The following MLLT10 variants were observed in gnomAD, a reference collection of about 807,000 sequenced individuals.
MLLT10 encodes MLLT10 histone lysine methyltransferase DOT1L cofactor, also known as protein AF-10.
A neutral mutation model predicts 129.1 loss-of-function variants in MLLT10; 30 were observed. That is an observed-to-expected ratio of 0.23 (90% CI 0.17 to 0.32). MLLT10 has a LOEUF of 0.32. MLLT10 is among the 10% of genes least tolerant of loss of function. The pLI is 1.00. For missense variants in MLLT10, 1,119 were observed against 1,268.3 expected (o/e 0.88, Z 1.79); for synonymous variants, 490 against 446.4 (o/e 1.10, Z -1.23).
intron 7 of MLLT10, among the ~76,000 whole-genome samples, chr10:21,615,181 G>A (rs965236165): frequency 1.3e-5 from 2 of 151,936 alleles, no homozygotes; most frequent in African/African-American, 4.8e-5. Context: ...TATTAGGCCG[G>A]GTGTTGTGGC....
chr10:21,632,799 T>G (rs1163549152), intron 8 of MLLT10, among the ~76,000 whole-genome samples: 1 of 152,206 alleles, frequency 6.6e-6, no homozygotes, highest in Non-Finnish European at 1.5e-5. Context: ...AGAAGCCATT[T>G]AACTGTGGTA....
chr10:21,650,196 T>TA (rs1276304659), intron 8 of MLLT10, among the ~76,000 whole-genome samples: 1 of 150,890 alleles, frequency 6.6e-6, no homozygotes, highest in Non-Finnish European at 1.5e-5. Context: ...AAAATACATA[T>TA]AAAAAAAAGC....
intron 8 of MLLT10, among the ~76,000 whole-genome samples, chr10:21,630,149 T>C (rs2046864699): frequency 6.6e-6 from 1 of 152,142 alleles, no homozygotes; most frequent in Non-Finnish European, 1.5e-5. Context: ...GAGATATTGC[T>C]AGGCAGATTG....
Position 21,651,678 on chromosome 10 carries a change from T to C in MLLT10, c.705T>C (p.Tyr235=), listed in dbSNP as rs370897151. ...TTACTTATATTCGTTTTTAGAAATA[T>C]AAAGAGAAGGACAAACACAAACAGA... The part of the protein sequence containing the change: ...DKHHEKEKKK[Y]KEKDKHKQKH... Residue 235 remains tyrosine (Y), a synonymous_variant, in exon 9 of 23, where the codon TAT becomes TAC. Transcript: ENST00000307729. 403 of 1,611,618 alleles carry C rather than the reference T, an allele frequency of 2.5e-4. 2 individuals are homozygous for C. The South Asian group carries it at 3.6e-3, about 14-fold the overall frequency.
At chr10:21,545,384 AAAGTT>A (rs1016011547) in intron 3 of MLLT10, among the ~76,000 whole-genome samples, 2 of 152,078 alleles carry the variant, frequency 1.3e-5, no homozygotes, top group African/African-American at 4.8e-5. Context: ...TCAGGAAAGA[AAAGTT>A]GATAGTGACA....
At chr10:21,576,648 G>A (rs1355657644) in intron 3 of MLLT10, among the ~76,000 whole-genome samples, 1 of 91,778 alleles carries the variant, frequency 1.1e-5, no homozygotes, top group Admixed American at 1.1e-4. Flanking sequence ...TTTTTTTTTT[G>A]AGTTGGAGTT....
intron 8 of MLLT10, among the ~76,000 whole-genome samples, chr10:21,639,654 T>G (rs747963803): frequency 1.3e-5 from 2 of 152,054 alleles, no homozygotes; most frequent in African/African-American, 2.4e-5. Flanking sequence ...GAAATGTGAT[T>G]GGACAAAGGT....
chr10:21,717,527 C>CTCCTCT (rs1312524367), intron 14 of MLLT10, among the ~76,000 whole-genome samples: 1 of 123,192 alleles, frequency 8.1e-6, no homozygotes, highest in Non-Finnish European at 1.7e-5. Context: ...CCACCTCCTC[C>CTCCTCT]TCCTCCTCCT....
At chr10:21,740,325 C>G (rs923814073) in intron 22 of MLLT10, 89 bp downstream of exon 22, 3 of 1,410,856 alleles carry the variant, frequency 2.1e-6, no homozygotes, top group Admixed American at 4.0e-5. Context: ...TTTTGTTCCC[C>G]TGATCATTTC....
At chr10:21,594,093 G>A (rs2042780986) in intron 4 of MLLT10, among the ~76,000 whole-genome samples, 1 of 151,906 alleles carries the variant, frequency 6.6e-6, no homozygotes, top group Non-Finnish European at 1.5e-5. Context: ...ATGGTCAGAG[G>A]CCTGGTGTAG....
In MLLT10 at chr10:21,651,047, GTT is replaced by G. The variant is rs1399116406; in HGVS notation, c.700-623_700-622del. ...AAGTATTTGGTGGTTGTGTTGTTTT[GTT>G]TTGTTTTGTTTTGTTTTGTTTTGTT... On this transcript the variant is annotated intron_variant, in intron 8 of 22. Transcript: ENST00000307729. Among the ~76,000 whole-genome samples the G allele has an allele frequency of 5.0e-3, 370 of 73,810 alleles. 3 individuals carry two copies. The highest frequency in any genetic ancestry group is 0.012 in the African/African-American group (322 of 27,964). The allele number at this position is 73,810 out of a possible 152,430, so 48.4% of individuals were successfully genotyped here.
intron 8 of MLLT10, among the ~76,000 whole-genome samples, chr10:21,631,331 A>G (rs915779841): frequency 2.0e-4 from 31 of 151,264 alleles, no homozygotes; most frequent in Middle Eastern, 3.4e-3. Flanking sequence ...AAAAAAAAAA[A>G]AAAAGAAAAG....
intron 9 of MLLT10, among the ~76,000 whole-genome samples, chr10:21,667,044 C>CA (rs2050877177): frequency 1.3e-5 from 2 of 151,740 alleles, no homozygotes; most frequent in Admixed American, 6.6e-5. Context: ...CTTTTATATC[C>CA]AAAAAAGCCT....
intron 22 of MLLT10, among the ~76,000 whole-genome samples, chr10:21,741,137 A>G (rs1401556081): frequency 6.6e-6 from 1 of 152,224 alleles, no homozygotes; most frequent in African/African-American, 2.4e-5. Context: ...ATTGTTTTTC[A>G]TGAACTCTTC....
At chr10:21,660,086 C>T (rs995561976) in intron 9 of MLLT10, among the ~76,000 whole-genome samples, 1 of 152,082 alleles carries the variant, frequency 6.6e-6, no homozygotes, top group South Asian at 2.1e-4. Flanking sequence ...ACCTCAGCCT[C>T]CTGATCAGCT....
At chr10:21,713,729 TTGAC>T (rs2056312632) in intron 13 of MLLT10, 39 bp from the exon 14 acceptor site, 1 of 1,555,516 alleles carries the variant, frequency 6.4e-7, no homozygotes. Context: ...TGTGACAAAT[TTGAC>T]TGCTAAGTTA....
intron 5 of MLLT10, among the ~76,000 whole-genome samples, chr10:21,611,639 A>G (rs2044665104): frequency 6.6e-6 from 1 of 152,160 alleles, no homozygotes; most frequent in African/African-American, 2.4e-5. Flanking sequence ...TCACATGACC[A>G]GCCATGATTT....
At chr10:21,546,763 T>C (rs1239319546) in intron 3 of MLLT10, among the ~76,000 whole-genome samples, 1 of 151,028 alleles carries the variant, frequency 6.6e-6, no homozygotes, top group Non-Finnish European at 1.5e-5. Context: ...AGAGTTTTGC[T>C]CTTTCCCAGG....
chr10:21,546,007 G>T (rs1049173406), intron 3 of MLLT10, among the ~76,000 whole-genome samples: 3 of 152,086 alleles, frequency 2.0e-5, no homozygotes, highest in Non-Finnish European at 2.9e-5. Context: ...ATTACTGCAG[G>T]CTGCAGTGAC....
Sources: gnomAD v4.1 joint callset for allele counts (sites outside exome capture counted in the v4.1 genomes callset) on GRCh38, gnomAD v4.1.1 for gene constraint, MANE v1.5 for transcripts, NCBI Gene and HGNC (gene_info 2026-07-23, HGNC 2026-07-21) for gene names.